Variants in RUSF1 observed in about 807,000 individuals in gnomAD.
The protein encoded by RUSF1 is RUS family member 1, also known as RUS1 family protein C16orf58.
A neutral mutation model predicts 63.0 loss-of-function variants in RUSF1; 58 were observed. The ratio of observed to expected loss-of-function variants is 0.92; its 90% CI spans 0.75 to 1.15. The LOEUF is 1.15. RUSF1 is among the 50% of genes most tolerant of loss of function. The pLI, the probability that RUSF1 is intolerant of heterozygous loss-of-function variation, is 0.00. For synonymous variants in RUSF1, 274 were observed against 255.8 expected, an observed-to-expected ratio of 1.07 and a Z score of -0.68; for missense variants, 652 against 611.0, an observed-to-expected ratio of 1.07 and a Z score of -0.71.
At position 31,489,522 on chromosome 16, in the gene RUSF1, G is replaced by T; in HGVS notation, c.*1313C>A. On this transcript the variant is annotated 3_prime_UTR_variant, in exon 13 of 13. Coordinates refer to ENST00000327237, the MANE Select transcript of RUSF1 (RefSeq NM_022744.4). ...TAAATACATTTATTTGAACCGGCCT[G>T]GGGGAGGCTTGATGTTGATGGGTTG... is the stretch of plus-strand genomic sequence containing the variant. 1.5e-6 allele frequency: 1 copy of T among 647,934 alleles called. No individual in the cohort carries two copies. Among genetic ancestry groups the T allele is most frequent in the South Asian group, 1.8e-5 (1 of 55,584 alleles). 40.1% of individuals were successfully genotyped at this position (647,934 alleles called of 1,614,324 possible).
At chr16:31,491,057 A>T in intron 12 of RUSF1, 125 bp from the exon 13 acceptor site, 2 of 843,550 alleles carry the variant, frequency 2.4e-6, no homozygotes, top group Non-Finnish European at 3.8e-6. Flanking sequence ...GTATGGCATA[A>T]AATGAGGCTG....
chr16:31,507,979 C>A, intron 1 of RUSF1, 95 bp downstream of exon 1: 1 of 1,538,200 alleles, frequency 6.5e-7, no homozygotes, highest in Middle Eastern at 1.9e-4. Context: ...ATGTCAGACC[C>A]CCCGCCCCCC....
chr16:31,507,581 G>A (rs1465938300), intron 2 of RUSF1, among the ~76,000 whole-genome samples, 183 bp downstream of exon 2: 1 of 152,234 alleles, frequency 6.6e-6, no homozygotes. Context: ...AGGCTGGTGA[G>A]TGGGATGAGG....
In RUSF1 at chr16:31,496,875, C is replaced by G; in HGVS notation, c.676G>C (p.Asp226His). 6.2e-7 allele frequency: 1 copy of G among 1,606,280 alleles called. No homozygotes were observed. The highest frequency in any genetic ancestry group is 8.5e-7 in the Non-Finnish European group (1 of 1,176,798). The change falls in exon 6 of 13, where the codon GAC (aspartate) becomes CAC (histidine). Residue 226 changes from aspartate to histidine, a missense_variant. Asp to His is a moderately conservative substitution (Grantham distance 81, BLOSUM62 -1). Coordinates refer to ENST00000327237, the MANE Select transcript of RUSF1 (RefSeq NM_022744.4). ...VHQARRNNMA[D>H]VSAKDSSQET... ...TGGCTGCTGTCCTTGGCTGACACGTCAGCCATGTTGTTCCTCCGAGCCTGG... is the reference window on the plus strand; with the variant it reads ...TGGCTGCTGTCCTTGGCTGACACGTGAGCCATGTTGTTCCTCCGAGCCTGG...
In RUSF1 at chr16:31,493,795, G is replaced by A. The variant is rs753708583; in HGVS notation, c.774-8C>T. 2.5e-6 allele frequency: 4 copies of A among 1,614,064 alleles called. No homozygotes were observed. The highest frequency in any genetic ancestry group is 2.2e-5 in the South Asian group (2 of 91,092). ...AAACATCCAAGGCTGAAGCTGGGGT[G>A]AGAGAGTGAGGTAGCTGAAGTGGGC... On this transcript the variant is annotated splice_polypyrimidine_tract_variant and splice_region_variant and intron_variant, in intron 7 of 12. Transcript: ENST00000327237.
At chr16:31,494,490 T>G (rs113785835) in intron 6 of RUSF1, among the ~76,000 whole-genome samples, 1 of 151,116 alleles carries the variant, frequency 6.6e-6, no homozygotes, top group Non-Finnish European at 1.5e-5. Context: ...CACTCCAGCC[T>G]GGGCAACAGA....
chr16:31,507,888 A>G lies in RUSF1; in HGVS notation c.301-10T>C. The G allele has an allele frequency of 6.4e-7, 1 of 1,553,768 alleles. No individual in the cohort carries two copies. Among genetic ancestry groups the G allele is most frequent in the Non-Finnish European group, 8.7e-7 (1 of 1,148,024 alleles). ...GGCTGGAAGCAAACGCCTGGAGAAG[A>G]AAACAAGTAGGGTGAGAAGCGGGCG... On this transcript the variant is annotated splice_polypyrimidine_tract_variant and intron_variant, in intron 1 of 12. Transcript: ENST00000327237.
At position 31,502,081 on chromosome 16, in the gene RUSF1, A is replaced by G. The variant is rs76483602; in HGVS notation, c.416-1350T>C. Among the ~76,000 whole-genome samples, 965 of 152,326 alleles carry G rather than the reference A, an allele frequency of 6.3e-3. 15 individuals are homozygous for G. The highest frequency in any genetic ancestry group is 0.022 in the African/African-American group (925 of 41,566). On this transcript the variant is annotated intron_variant, in intron 2 of 12. Transcript: ENST00000327237. ...GAGCAGCACCCATTAAGCCTGGCAG[A>G]AATATTTTAGAACGAGACACCTGGG...
At chr16:31,493,094 C>G (rs1157474993) in intron 9 of RUSF1, 46 bp from the exon 10 acceptor site, 1 of 1,582,322 alleles carries the variant, frequency 6.3e-7, no homozygotes, top group Non-Finnish European at 8.7e-7. Context: ...ACAGCAAAGG[C>G]AGGCATGCCC....
rs1380339156 is a variant in RUSF1, at chr16:31,508,240, G to GA, written c.133dup (p.Ser45PhefsTer9). 1 of 1,564,146 alleles carries GA rather than the reference G, an allele frequency of 6.4e-7. No homozygotes were observed. The highest frequency in any genetic ancestry group is 2.4e-5 in the East Asian group (1 of 41,824). ...TTCAGGTTTGACCGTGAAGGCCCTG[G>GA]AGAGCCCCCACCAGCGCCAGCCCCC... On this transcript the variant is annotated frameshift_variant, in exon 1 of 13. Transcript: ENST00000327237. LOFTEE classifies it high-confidence loss of function.
intron 2 of RUSF1, among the ~76,000 whole-genome samples, chr16:31,503,023 C>T (rs1030996308): frequency 2.6e-5 from 4 of 152,264 alleles, no homozygotes; most frequent in Non-Finnish European, 5.9e-5. Context: ...GCCTATTCTA[C>T]CTTTCCATGG....
intron 2 of RUSF1, among the ~76,000 whole-genome samples, chr16:31,504,678 G>A (rs1433726980): frequency 6.6e-6 from 1 of 152,234 alleles, no homozygotes; most frequent in African/African-American, 2.4e-5. Context: ...AGCCGATGGT[G>A]AAATAGCACA....
At chr16:31,502,038 G>C (rs1429119525) in intron 2 of RUSF1, among the ~76,000 whole-genome samples, 1 of 152,156 alleles carries the variant, frequency 6.6e-6, no homozygotes, top group Non-Finnish European at 1.5e-5. Context: ...TGTCAATCTG[G>C]ACCATCCATT....
Position 31,493,623 on chromosome 16 carries a change from C to T in RUSF1, c.938G>A (p.Arg313His), listed in dbSNP as rs34309878. 1,453 of 1,614,164 alleles carry T rather than the reference C, an allele frequency of 9.0e-4. 6 individuals are homozygous for T. In the African/African-American group the frequency reaches 0.015, roughly 16 times the overall value. Reference protein sequence around the residue: ...GEVLDPTAANRMEPLWTGFWP... With the variant: ...GEVLDPTAANHMEPLWTGFWP... ...GTCACCTGTCCACAGCGGCTCCATG[C>T]GATTGGCTGCAGTTGGGTCGAGTAC... is the stretch of plus-strand genomic sequence containing the variant. The change falls in exon 8 of 13, where the codon CGC becomes CAC. Residue 313 changes from arginine (R) to histidine (H), a missense_variant. Coordinates refer to ENST00000327237, the MANE Select transcript of RUSF1 (RefSeq NM_022744.4).
At position 31,508,117 on chromosome 16, in the gene RUSF1, A is replaced by G; in HGVS notation, c.257T>C (p.Val86Ala). ...VFLPQGFPDS[V>A]SPDYLPYQLW... ...CTGGTAGGGCAAGTAGTCCGGGCTG[A>G]CGCTATCAGGGAAGCCCTGAGGCAG... Residue 86 changes from valine to alanine, a missense_variant, in exon 1 of 13, where the codon GTC becomes GCC. Transcript: ENST00000327237. 1 of 1,604,248 alleles carries G rather than the reference A, an allele frequency of 6.2e-7. No homozygotes were observed. Among genetic ancestry groups the G allele is most frequent in the East Asian group, 2.3e-5 (1 of 44,104 alleles).
Position 31,508,072 on chromosome 16 carries a change from A to C in RUSF1, c.300+2T>G. 6.2e-7 allele frequency: 1 copy of C among 1,600,766 alleles called. No individual in the cohort carries two copies. Among genetic ancestry groups the C allele is most frequent in the Non-Finnish European group, 8.5e-7 (1 of 1,174,466 alleles). On this transcript the variant is annotated splice_donor_variant, in intron 1 of 12. Transcript: ENST00000327237. LOFTEE classifies it high-confidence loss of function. ...TCCTCTGCCCCAGACGACCGAGCTG[A>C]CCTGCACGGAATCCCACAGCTGGTA...
At chr16:31,500,615 ATACTAT>A (rs1243814472) in intron 3 of RUSF1, 65 bp downstream of exon 3, 3 of 1,532,166 alleles carry the variant, frequency 2.0e-6, no homozygotes, top group Non-Finnish European at 2.7e-6. Flanking sequence ...ATTAATGGCA[ATACTAT>A]TACTATCATT....
intron 6 of RUSF1, among the ~76,000 whole-genome samples, chr16:31,496,235 A>C (rs1391720129): frequency 6.6e-6 from 1 of 152,024 alleles, no homozygotes; most frequent in African/African-American, 2.4e-5. Flanking sequence ...TTTCTTTTAT[A>C]TATTATGTAG....
At chr16:31,500,107 T>C (rs1290009061) in intron 3 of RUSF1, among the ~76,000 whole-genome samples, 2 of 152,160 alleles carry the variant, frequency 1.3e-5, no homozygotes, top group Non-Finnish European at 2.9e-5. Context: ...CTCCCTGCCC[T>C]GTGCACAAAC....
Sources: gnomAD v4.1 joint callset for allele counts (sites outside exome capture counted in the v4.1 genomes callset) on GRCh38, gnomAD v4.1.1 for gene constraint, MANE v1.5 for transcripts, NCBI Gene and HGNC (gene_info 2026-07-23, HGNC 2026-07-21) for gene names.